Variants in SASH1 observed in about 807,000 individuals in gnomAD.
The protein encoded by SASH1 is SAM and SH3 domain containing 1.
SASH1 carries 44 observed loss-of-function variants against 125.2 expected under a neutral mutation model. That is an observed-to-expected ratio of 0.35 (90% CI 0.28 to 0.45). SASH1 has a LOEUF of 0.45. Ranked by LOEUF, SASH1 falls within the 20% of genes least tolerant of loss-of-function variation. The pLI, the probability that SASH1 is intolerant of heterozygous loss-of-function variation, is 1.00. For synonymous variants in SASH1, 639 were observed against 649.1 expected, an observed-to-expected ratio of 0.98 and a Z score of 0.24; for missense variants, 1,426 against 1,614.5, an observed-to-expected ratio of 0.88 and a Z score of 2.00.
chr6:148,455,978 C>T (rs1248869042), intron 4 of SASH1, among the ~76,000 whole-genome samples: 2 of 152,186 alleles, frequency 1.3e-5, no homozygotes, highest in South Asian at 2.1e-4. Context: ...AGAAGAAAAG[C>T]GGCAGCCCCA....
chr6:148,376,574 G>T (rs1279573967), intron 1 of SASH1, among the ~76,000 whole-genome samples: 1 of 152,008 alleles, frequency 6.6e-6, no homozygotes, highest in East Asian at 1.9e-4. Flanking sequence ...TACAACACCC[G>T]AACCAGGCCA....
intron 7 of SASH1, among the ~76,000 whole-genome samples, chr6:148,486,680 C>A (rs1173790951): frequency 1.4e-5 from 2 of 147,546 alleles, no homozygotes; most frequent in Non-Finnish European, 3.0e-5. Flanking sequence ...TTTTGGGAGG[C>A]TGAGGGGGTG....
chr6:148,257,874 C>A, the SASH1 span, among the ~76,000 whole-genome samples: 1 of 152,082 alleles, frequency 6.6e-6, no homozygotes, highest in African/African-American at 2.4e-5. Flanking sequence ...TGTGATCCGC[C>A]CACCTTGGCC....
At chr6:148,474,033 C>G (rs192628578) in intron 6 of SASH1, 77 bp from the exon 7 acceptor site, 38 of 884,728 alleles carry the variant, frequency 4.3e-5, no homozygotes, top group Non-Finnish European at 6.5e-5. Context: ...TAGCCCGAGA[C>G]AGCAGATGTT....
intron 10 of SASH1, chr6:148,524,593 T>A (rs1781024106): frequency 6.6e-6 from 1 of 152,224 alleles, no homozygotes; most frequent in African/African-American, 2.4e-5. Context: ...ACACAGTCAC[T>A]GAATCAACCG....
At chr6:148,399,278 C>T (rs980879772) in intron 2 of SASH1, among the ~76,000 whole-genome samples, 10 of 131,698 alleles carry the variant, frequency 7.6e-5, no homozygotes, top group Admixed American at 1.8e-4. Flanking sequence ...GGTTCAGTGG[C>T]GTGATCTCGG....
rs182385085 is a variant in SASH1, at chr6:148,329,721, C to A, written n.74+57344C>A. Among the ~76,000 whole-genome samples, 861 of 152,240 alleles carry A rather than the reference C, an allele frequency of 5.7e-3. 36 individuals are homozygous for A. Among genetic ancestry groups the A allele is most frequent in the Admixed American group, 0.05 (756 of 15,260 alleles). On this transcript the variant is annotated intron_variant and non_coding_transcript_variant, in intron 1 of 3. Coordinates refer to the SASH1 transcript ENST00000367469. ...CTCTAGAGAGGAACATGGCCTTCAA[C>A]AACAGGGGCGAGTCCCTATGACTTA...
chr6:148,285,114 C>T (rs1779448260), intron 1 of SASH1, among the ~76,000 whole-genome samples: 1 of 152,152 alleles, frequency 6.6e-6, no homozygotes, highest in South Asian at 2.1e-4. Flanking sequence ...CATTATTCTG[C>T]ATTTGTGTTC....
intron 1 of SASH1, among the ~76,000 whole-genome samples, chr6:148,297,831 TA>T (rs572633770): frequency 1.7e-4 from 25 of 151,092 alleles, no homozygotes; most frequent in East Asian, 5.9e-4. Context: ...CTCTATCTCT[TA>T]AAAAAAAATT....
chr6:148,238,209 CTTACTTTATT>C, the SASH1 span, among the ~76,000 whole-genome samples: 44 of 148,124 alleles, frequency 3.0e-4, no homozygotes, highest in Admixed American at 2.8e-3. Flanking sequence ...CCCCATAGTA[CTTACTTTATT>C]TTATTTTATT....
the SASH1 span, among the ~76,000 whole-genome samples, chr6:148,221,960 C>T: frequency 6.6e-6 from 1 of 152,188 alleles, no homozygotes. Context: ...TCTTCAGCCT[C>T]TTCCTTTGCA....
intron 1 of SASH1, among the ~76,000 whole-genome samples, chr6:148,385,390 T>G (rs1391188200): frequency 6.6e-5 from 10 of 152,224 alleles, no homozygotes; most frequent in Non-Finnish European, 1.5e-4. Flanking sequence ...AGAGTTGGCT[T>G]GTTGTTGGTT....
rs536697330 is a variant in SASH1 at position 148,402,316 on chromosome 6, T to G, written c.285+12054T>G. Among the ~76,000 whole-genome samples the G allele has an allele frequency of 2.6e-5, 4 of 152,254 alleles. No homozygotes were observed. The East Asian group carries it at 7.7e-4, about 29-fold the overall frequency. The stretch of plus-strand genomic sequence containing the variant: ...ATTATCACAAAAATGACTTTTTGTT[T>G]GTTTGTTTTTTTGTTTAAGAGTCTT... On this transcript the variant is annotated intron_variant, in intron 2 of 19. Transcript: ENST00000367467.
At chr6:148,315,419 T>C (rs1431750575) in intron 1 of SASH1, among the ~76,000 whole-genome samples, 2 of 152,080 alleles carry the variant, frequency 1.3e-5, no homozygotes, top group Non-Finnish European at 2.9e-5. Context: ...TTGCTGGGAG[T>C]TGAAGTTTGT....
the SASH1 span, among the ~76,000 whole-genome samples, chr6:148,230,478 A>G: frequency 6.6e-6 from 1 of 152,098 alleles, no homozygotes; most frequent in Non-Finnish European, 1.5e-5. Context: ...GCTCCTAGCT[A>G]TAAGTTTTTA....
At chr6:148,320,581 G>A (rs996808575) in intron 1 of SASH1, among the ~76,000 whole-genome samples, 1 of 152,154 alleles carries the variant, frequency 6.6e-6, no homozygotes, top group Non-Finnish European at 1.5e-5. Flanking sequence ...AAAGACAAAG[G>A]GTGGGTTCTT....
rs543168889 is a variant in SASH1 at position 148,431,300 on chromosome 6, G to A, written c.286-8884G>A. ...TGCAACCTCCTCCTCCCGGGTTCAAGCCATTCTCCTGCCTTAGCCTCCCTA... is the reference window on the plus strand; with the variant it reads ...TGCAACCTCCTCCTCCCGGGTTCAAACCATTCTCCTGCCTTAGCCTCCCTA... On this transcript the variant is annotated intron_variant, in intron 2 of 19. Transcript: ENST00000367467. 1.1e-3 allele frequency among the ~76,000 whole-genome samples: 168 copies of A among 152,156 alleles called. 1 individual carries two copies. The highest frequency in any genetic ancestry group is 3.5e-3 in the Admixed American group (54 of 15,294).
At chr6:148,242,185 G>A in the SASH1 span, among the ~76,000 whole-genome samples, 3 of 152,198 alleles carry the variant, frequency 2.0e-5, no homozygotes, top group Non-Finnish European at 4.4e-5. Flanking sequence ...GTGAGGACTT[G>A]ACTAGTAGTG....
intron 8 of SASH1, chr6:148,512,788 A>C (rs1780220601): frequency 1.0e-6 from 1 of 984,762 alleles, no homozygotes; most frequent in African/African-American, 1.7e-5. Context: ...AATTTTAGAG[A>C]AATTGGACAT....
Sources: gnomAD v4.1 joint callset for allele counts (sites outside exome capture counted in the v4.1 genomes callset) on GRCh38, gnomAD v4.1.1 for gene constraint, MANE v1.5 for transcripts, NCBI Gene and HGNC (gene_info 2026-07-23, HGNC 2026-07-21) for gene names.